Variants in MEIKIN observed in about 807,000 individuals in gnomAD.
MEIKIN encodes the protein meiotic kinetochore factor.
At chr5:131,884,974 A>C (rs546979753) in intron 8 of MEIKIN, among the ~76,000 whole-genome samples, 48 of 152,154 alleles carry the variant, frequency 3.2e-4, no homozygotes, top group South Asian at 8.3e-4. Context: ...AGTGGGAAGG[A>C]CTATGTCCCA....
intron 8 of MEIKIN, among the ~76,000 whole-genome samples, chr5:131,911,491 T>A (rs1296815909): frequency 2.0e-5 from 3 of 151,926 alleles, no homozygotes; most frequent in Non-Finnish European, 4.4e-5. Context: ...GTTCACTTAT[T>A]GTCCTCTCCT....
At position 131,910,453 on chromosome 5, in the gene MEIKIN, A is replaced by G. The variant is rs1580902922; in HGVS notation, c.703+1362T>C. On this transcript the variant is annotated intron_variant, in intron 8 of 12. Transcript: ENST00000442687. ...TAGTTGGAGAGGGGGAGTGGTTTGT[A>G]GGGAAGGTGGGGATGGTTAATGGGT... Among the ~76,000 whole-genome samples, 3 of 152,064 alleles carry G rather than the reference A, an allele frequency of 2.0e-5. No individual in the cohort carries two copies. The South Asian group carries it at 6.2e-4, about 32-fold the overall frequency.
intron 4 of MEIKIN, among the ~76,000 whole-genome samples, chr5:131,939,900 GGT>G (rs1751840047): frequency 1.3e-5 from 2 of 152,108 alleles, no homozygotes; most frequent in Admixed American, 1.3e-4. Flanking sequence ...ATGATTAAAT[GGT>G]ATTTTCTCTA....
intron 12 of MEIKIN, among the ~76,000 whole-genome samples, chr5:131,811,273 A>C (rs1003739232): frequency 2.6e-5 from 4 of 152,176 alleles, no homozygotes; most frequent in Non-Finnish European, 5.9e-5. Context: ...ATCTAACGTC[A>C]GAAACTAATA....
rs70974017 is a variant in MEIKIN at position 131,813,429 on chromosome 5, C to CTTTT, written c.1099+5307_1099+5310dup. Among the ~76,000 whole-genome samples the CTTTT allele has an allele frequency of 4.6e-4, 65 of 140,646 alleles. 3 individuals are homozygous for CTTTT. Among genetic ancestry groups the CTTTT allele is most frequent in the Middle Eastern group, 3.8e-3 (1 of 266 alleles). The allele number at this position is 140,646 out of a possible 152,430, so 92.3% of individuals were successfully genotyped here. On this transcript the variant is annotated intron_variant, in intron 12 of 12. Transcript: ENST00000442687. ...AAATAACCAGATATTTAACTATATT[C>CTTTT]TTTTTTTTTTTTTTTGAGACAGAGT... is the stretch of plus-strand genomic sequence containing the variant.
At chr5:131,909,245 G>GA (rs1751295588) in intron 8 of MEIKIN, among the ~76,000 whole-genome samples, 1 of 151,850 alleles carries the variant, frequency 6.6e-6, no homozygotes, top group Non-Finnish European at 1.5e-5. Flanking sequence ...TCAGAAAAGA[G>GA]AACCCATAGA....
chr5:131,942,934 A>G (rs1751898157), intron 3 of MEIKIN, among the ~76,000 whole-genome samples: 1 of 152,144 alleles, frequency 6.6e-6, no homozygotes, highest in Non-Finnish European at 1.5e-5. Context: ...TATGCTAGTC[A>G]AGTAACTACT....
chr5:131,813,771 A>G (rs867098777), intron 12 of MEIKIN, among the ~76,000 whole-genome samples: 1 of 151,940 alleles, frequency 6.6e-6, no homozygotes, highest in Non-Finnish European at 1.5e-5. Context: ...ATTTGGCTGT[A>G]TGGTCAGGGA....
chr5:131,871,295 C>G (rs143075402), intron 9 of MEIKIN, among the ~76,000 whole-genome samples: 1 of 152,194 alleles, frequency 6.6e-6, no homozygotes, highest in Non-Finnish European at 1.5e-5. Flanking sequence ...TGGGTCACTC[C>G]CACCCTAATA....
At chr5:131,877,302 A>G (rs1271103545) in intron 9 of MEIKIN, among the ~76,000 whole-genome samples, 1 of 152,148 alleles carries the variant, frequency 6.6e-6, no homozygotes, top group Admixed American at 6.5e-5. Flanking sequence ...AGCTACTCAA[A>G]AAGTAGCTCT....
intron 11 of MEIKIN, 88 bp from the exon 12 acceptor site, chr5:131,818,951 A>G (rs1749422943): frequency 1.0e-5 from 4 of 388,980 alleles, no homozygotes; most frequent in Non-Finnish European, 1.8e-5. Flanking sequence ...TAGTCTTAAT[A>G]TCTGTATTTC....
intron 11 of MEIKIN, among the ~76,000 whole-genome samples, chr5:131,839,855 G>T (rs1749873011): frequency 6.6e-6 from 1 of 152,080 alleles, no homozygotes; most frequent in African/African-American, 2.4e-5. Context: ...TAAATTCAAG[G>T]TTCATATTGA....
At chr5:131,817,205 C>A (rs1296843279) in intron 12 of MEIKIN, among the ~76,000 whole-genome samples, 4 of 152,130 alleles carry the variant, frequency 2.6e-5, no homozygotes, top group African/African-American at 9.7e-5. Context: ...AGTTCTAAGT[C>A]CCTTGGACTT....
At chr5:131,858,220 TCAAA>T (rs1750229091) in intron 9 of MEIKIN, among the ~76,000 whole-genome samples, 1 of 152,068 alleles carries the variant, frequency 6.6e-6, no homozygotes, top group Admixed American at 6.5e-5. Context: ...AAAATCTTCC[TCAAA>T]CAAACTTAAC....
chr5:131,874,707 G>A (rs1024827209), intron 9 of MEIKIN, among the ~76,000 whole-genome samples: 4 of 152,176 alleles, frequency 2.6e-5, no homozygotes, highest in African/African-American at 9.6e-5. Flanking sequence ...GGGAATTTTA[G>A]ACCAGTATCC....
intron 6 of MEIKIN, among the ~76,000 whole-genome samples, chr5:131,919,997 A>G (rs1751478025): frequency 6.6e-6 from 1 of 152,202 alleles, no homozygotes; most frequent in African/African-American, 2.4e-5. Flanking sequence ...CTCATATGCT[A>G]AGGGAGGTGG....
Position 131,945,530 on chromosome 5 carries a change from C to T in MEIKIN, c.-25G>A. Reference sequence around the variant, plus strand: ...TTGCTATCCCACCCTACCCCCAGGCCACGGGTGCCTCTGGACTCTCGATGG... The same window carrying T: ...TTGCTATCCCACCCTACCCCCAGGCTACGGGTGCCTCTGGACTCTCGATGG... On this transcript the variant is annotated 5_prime_UTR_variant, in exon 1 of 13. Coordinates refer to ENST00000442687, the MANE Select transcript of MEIKIN (RefSeq NM_001303622.2). The T allele has an allele frequency of 5.0e-6, 2 of 400,010 alleles. No homozygotes were observed. 24.8% of individuals were successfully genotyped at this position (400,010 alleles called of 1,614,324 possible).
intron 9 of MEIKIN, among the ~76,000 whole-genome samples, chr5:131,857,312 A>G (rs543412907): frequency 6.6e-6 from 1 of 152,344 alleles, no homozygotes; most frequent in South Asian, 2.1e-4. Flanking sequence ...AAATAACGTC[A>G]CACATTTAAG....
At chr5:131,834,539 G>T (rs1749769794) in intron 11 of MEIKIN, among the ~76,000 whole-genome samples, 1 of 152,062 alleles carries the variant, frequency 6.6e-6, no homozygotes, top group African/African-American at 2.4e-5. Context: ...CTGCTTCTGT[G>T]TGACATTTTT....
Sources: allele counts gnomAD v4.1 joint callset (sites outside exome capture counted in the v4.1 genomes callset), GRCh38; gene constraint gnomAD v4.1.1; transcripts MANE v1.5; gene names NCBI Gene and HGNC (gene_info 2026-07-23, HGNC 2026-07-21).